The following SCIN variants were observed in gnomAD, a reference collection of about 807,000 sequenced individuals.
SCIN encodes the protein adseverin.
SCIN carries 91 observed loss-of-function variants against 91.8 expected under a neutral mutation model. That is an observed-to-expected ratio of 0.99 (90% CI 0.84 to 1.18). The LOEUF (loss-of-function observed/expected upper bound fraction) is 1.18. Among genes scored for constraint, SCIN ranks in the 50% most tolerant of loss-of-function variants. SCIN has a pLI of 0.00. For synonymous variants in SCIN, 367 were observed against 312.6 expected, an observed-to-expected ratio of 1.17 and a Z score of -1.84; for missense variants, 1,087 against 863.9, an observed-to-expected ratio of 1.26 and a Z score of -3.24.
At chr7:12,604,689 A>C in intron 4 of SCIN, 26 bp downstream of exon 4, 1 of 1,544,158 alleles carries the variant, frequency 6.5e-7, no homozygotes, top group Non-Finnish European at 8.7e-7. Flanking sequence ...TTGTTTGTTA[A>C]AGGGTTACCA....
At chr7:12,649,072 G>A (rs540254345) in intron 13 of SCIN, among the ~76,000 whole-genome samples, 1 of 152,104 alleles carries the variant, frequency 6.6e-6, no homozygotes, top group Non-Finnish European at 1.5e-5. Flanking sequence ...GGTGATATGA[G>A]GGGGGTCTTA....
At position 12,626,798 on chromosome 7, in the gene SCIN, A is replaced by G; in HGVS notation, c.1196A>G (p.Glu399Gly). ...NMVDDGSGKV[E>G]IWRVENNGRI... ...GTGGATGATGGTTCTGGCAAAGTGG[A>G]GGTATTTACCTGTTTTTGTTTTTAT... Residue 399 changes from glutamate (E) to glycine (G), a missense_variant and splice_region_variant, in exon 8 of 16, where the codon GAG (glutamate) becomes GGG (glycine). Transcript: ENST00000297029. 1 of 1,602,740 alleles carries G rather than the reference A, an allele frequency of 6.2e-7. No homozygotes were observed. The highest frequency in any genetic ancestry group is 8.5e-7 in the Non-Finnish European group (1 of 1,174,184).
intron 11 of SCIN, among the ~76,000 whole-genome samples, chr7:12,641,791 A>T (rs1367431122): frequency 6.6e-6 from 1 of 151,462 alleles, no homozygotes; most frequent in Non-Finnish European, 1.5e-5. Context: ...CCTCCTTCAC[A>T]CCCCATGCTT....
chr7:12,636,875 C>T (rs976968686), intron 10 of SCIN, among the ~76,000 whole-genome samples: 7 of 151,702 alleles, frequency 4.6e-5, no homozygotes, highest in Admixed American at 3.3e-4. Flanking sequence ...TGTATGTACC[C>T]CATGAATATC....
chr7:12,571,907 A>C (rs1782279240), intron 1 of SCIN, among the ~76,000 whole-genome samples: 1 of 152,138 alleles, frequency 6.6e-6, no homozygotes, highest in Non-Finnish European at 1.5e-5. Context: ...GCCAGTGGGC[A>C]CACCCTGTCT....
intron 2 of SCIN, among the ~76,000 whole-genome samples, 166 bp from the exon 3 acceptor site, chr7:12,580,894 A>C (rs1782473880): frequency 6.6e-6 from 1 of 152,224 alleles, no homozygotes; most frequent in East Asian, 1.9e-4. Flanking sequence ...TTGATTACCA[A>C]GGGGTTCTCT....
rs1784144533 is a variant in SCIN at position 12,655,020 on chromosome 7, G to GTATCCA, written c.*2305_*2306insTATCCA. ...CGGTTTTTCTTCAGTATCCGCGGGA[G>GTATCCA]ATTGGCTCGAGGAACCCCATGGATA... is the stretch of plus-strand genomic sequence containing the variant. On this transcript the variant is annotated 3_prime_UTR_variant, in exon 16 of 16. Transcript: ENST00000297029. 1 of 152,154 alleles carries GTATCCA rather than the reference G, an allele frequency of 6.6e-6. No individual in the cohort carries two copies. Among genetic ancestry groups the GTATCCA allele is most frequent in the African/African-American group, 2.4e-5 (1 of 41,428 alleles). The allele number at this position is 152,154 out of a possible 1,614,324, so 9.4% of individuals were successfully genotyped here. A position where few individuals can be genotyped will look rare whatever the true frequency, so the allele number is the denominator to read the frequency against.
intron 3 of SCIN, among the ~76,000 whole-genome samples, chr7:12,603,237 C>T (rs534981486): frequency 1.6e-4 from 24 of 152,060 alleles, no homozygotes; most frequent in South Asian, 4.2e-4. Context: ...CTTTGCCTCC[C>T]GGGTTCACGC....
At chr7:12,643,968 A>G (rs1240485290) in intron 11 of SCIN, among the ~76,000 whole-genome samples, 170 bp from the exon 12 acceptor site, 2 of 152,104 alleles carry the variant, frequency 1.3e-5, no homozygotes, top group South Asian at 2.1e-4. Context: ...AAGTGCTCCT[A>G]CTCTAGGGTT....
intron 4 of SCIN, among the ~76,000 whole-genome samples, chr7:12,609,978 T>C (rs1049012373): frequency 6.6e-6 from 1 of 152,178 alleles, no homozygotes; most frequent in African/African-American, 2.4e-5. Context: ...GCTTACTTTA[T>C]TGTCTGGTTG....
intron 14 of SCIN, among the ~76,000 whole-genome samples, chr7:12,650,215 TA>T (rs1474611005): frequency 6.6e-6 from 1 of 152,218 alleles, no homozygotes; most frequent in Non-Finnish European, 1.5e-5. Flanking sequence ...TCCCAATTAA[TA>T]AACCATTCAG....
intron 2 of SCIN, among the ~76,000 whole-genome samples, chr7:12,579,432 A>T (rs57969795): frequency 0.037 from 5,690 of 152,264 alleles, 299 homozygotes; most frequent in African/African-American, 0.12. Context: ...TCAACATTTT[A>T]AATAAATTGA....
rs1474832275 is a variant in SCIN at position 12,649,451 on chromosome 7, T to G, written c.1882-16T>G. ...CTGCTTTACTTTTTGCTCATATAGC[T>G]TTTTATACCTTTCAGATTGAAGAGA... On this transcript the variant is annotated splice_polypyrimidine_tract_variant and intron_variant, in intron 13 of 15. Coordinates refer to ENST00000297029, the MANE Select transcript of SCIN (RefSeq NM_001112706.3). 1 of 1,564,790 alleles carries G rather than the reference T, an allele frequency of 6.4e-7. No individual in the cohort carries two copies. Among genetic ancestry groups the G allele is most frequent in the East Asian group, 2.3e-5 (1 of 43,646 alleles).
chr7:12,627,784 A>C (rs534032900), intron 8 of SCIN, among the ~76,000 whole-genome samples: 2 of 152,126 alleles, frequency 1.3e-5, no homozygotes, highest in East Asian at 3.9e-4. Flanking sequence ...CCTCCTGGCA[A>C]ACTTGGTCCC....
At chr7:12,646,595 C>T (rs1783970207) in intron 13 of SCIN, among the ~76,000 whole-genome samples, 1 of 152,156 alleles carries the variant, frequency 6.6e-6, no homozygotes, top group Non-Finnish European at 1.5e-5. Flanking sequence ...TCCTGAACCA[C>T]AGCCTCTCAC....
intron 4 of SCIN, among the ~76,000 whole-genome samples, chr7:12,616,077 T>G (rs985396939): frequency 5.3e-5 from 8 of 152,130 alleles, no homozygotes; most frequent in African/African-American, 1.7e-4. Flanking sequence ...GTGCCCTATT[T>G]TCTTCTCCAT....
At chr7:12,575,508 G>T (rs55999874) in intron 1 of SCIN, among the ~76,000 whole-genome samples, 69,363 of 151,612 alleles carry the variant, frequency 0.46, 16,154 homozygotes, top group African/African-American at 0.51. Context: ...AATTATCGTT[G>T]GAAGGTGTTC....
intron 3 of SCIN, among the ~76,000 whole-genome samples, chr7:12,600,991 G>A (rs947614816): frequency 3.3e-5 from 5 of 152,120 alleles, no homozygotes; most frequent in Non-Finnish European, 7.4e-5. Context: ...CCCAGATGTA[G>A]AAAAGAGGTT....
In SCIN at chr7:12,622,830, T is replaced by G; in HGVS notation, c.696T>G (p.Asp232Glu). ...KVLGEKPELP[D>E]GGDDDDIIAD... ...TAGGGGAAAAGCCAGAGCTTCCAGA[T>G]GGAGGTGATGATGATGACATTATAG... is the stretch of plus-strand genomic sequence containing the variant. The change falls in exon 5 of 16, where the codon GAT (aspartate) becomes GAG (glutamate). Residue 232 changes from aspartate to glutamate, a missense_variant. Transcript: ENST00000297029. The G allele has an allele frequency of 1.9e-6, 3 of 1,613,174 alleles. No individual in the cohort carries two copies. The highest frequency in any genetic ancestry group is 2.5e-6 in the Non-Finnish European group (3 of 1,179,346).
Sources: gnomAD v4.1 joint callset for allele counts (sites outside exome capture counted in the v4.1 genomes callset) on GRCh38, gnomAD v4.1.1 for gene constraint, MANE v1.5 for transcripts, NCBI Gene and HGNC (gene_info 2026-07-23, HGNC 2026-07-21) for gene names.